UNC13C: variants seen among roughly 807,000 people sequenced by gnomAD.
UNC13C encodes protein unc-13 homolog C.
Under a neutral mutation model 245.4 loss-of-function variants are expected in UNC13C, and 174 were observed. That is an observed-to-expected ratio of 0.71 (90% CI 0.63 to 0.80). UNC13C has a LOEUF of 0.80. Among genes scored for constraint, UNC13C ranks in the 30% least tolerant of loss-of-function variants. UNC13C has a pLI of 0.00. For missense variants in UNC13C, 2,829 were observed against 2,602.9 expected (o/e 1.09, Z -1.89); for synonymous variants, 992 against 895.1 (o/e 1.11, Z -1.93).
intron 7 of UNC13C, among the ~76,000 whole-genome samples, chr15:54,245,201 A>G (rs2035960067): frequency 6.6e-6 from 1 of 152,168 alleles, no homozygotes; most frequent in Non-Finnish European, 1.5e-5. Context: ...CATCACTTGT[A>G]TACATTTTTA....
At chr15:54,467,959 A>G (rs1309153634) in intron 19 of UNC13C, among the ~76,000 whole-genome samples, 2 of 151,606 alleles carry the variant, frequency 1.3e-5, no homozygotes, top group Admixed American at 6.6e-5. Context: ...ACTGATTTCA[A>G]TTCCTTTGGC....
chr15:54,141,771 C>T (rs917619698), intron 2 of UNC13C, among the ~76,000 whole-genome samples: 1 of 151,786 alleles, frequency 6.6e-6, no homozygotes, highest in Non-Finnish European at 1.5e-5. Flanking sequence ...TAAGATTTAT[C>T]TTTTATTACT....
chr15:54,088,754 G>A (rs1191782585), intron 2 of UNC13C, among the ~76,000 whole-genome samples: 3 of 152,188 alleles, frequency 2.0e-5, no homozygotes, highest in Non-Finnish European at 2.9e-5. Flanking sequence ...ACAATGTGAT[G>A]TACAGTTTGA....
intron 4 of UNC13C, among the ~76,000 whole-genome samples, chr15:54,230,279 T>A (rs1436839775): frequency 6.6e-6 from 1 of 152,138 alleles, no homozygotes; most frequent in African/African-American, 2.4e-5. Flanking sequence ...TCATGATAAC[T>A]CTTGTATCAC....
At chr15:54,500,641 C>T (rs894204651) in intron 21 of UNC13C, among the ~76,000 whole-genome samples, 194 bp from the exon 22 acceptor site, 3 of 152,094 alleles carry the variant, frequency 2.0e-5, no homozygotes, top group Non-Finnish European at 4.4e-5. Context: ...TTAGCAGTAG[C>T]TTGCCCCATG....
chr15:53,993,066 T>C (rs1187962471), intron 1 of UNC13C, among the ~76,000 whole-genome samples: 1 of 152,116 alleles, frequency 6.6e-6, no homozygotes, highest in Non-Finnish European at 1.5e-5. Flanking sequence ...TCATTTCTAG[T>C]CTAACTGAGG....
chr15:54,451,945 G>C (rs1343081239), intron 19 of UNC13C, among the ~76,000 whole-genome samples: 1 of 152,162 alleles, frequency 6.6e-6, no homozygotes, highest in African/African-American at 2.4e-5. Flanking sequence ...ATGTGTATCT[G>C]TGATTTTGGT....
At chr15:54,550,284 C>T (rs1896680323) in intron 28 of UNC13C, among the ~76,000 whole-genome samples, 1 of 152,140 alleles carries the variant, frequency 6.6e-6, no homozygotes, top group Non-Finnish European at 1.5e-5. Flanking sequence ...ATGCTTCCTA[C>T]TATGTGACAT....
At chr15:54,592,543 T>A (rs566020216) in intron 30 of UNC13C, among the ~76,000 whole-genome samples, 1 of 152,360 alleles carries the variant, frequency 6.6e-6, no homozygotes, top group Admixed American at 6.5e-5. Flanking sequence ...TTTACCATTC[T>A]ATACTGTCCC....
At chr15:54,445,576 TG>T (rs1372448822) in intron 19 of UNC13C, among the ~76,000 whole-genome samples, 2 of 152,226 alleles carry the variant, frequency 1.3e-5, no homozygotes, top group African/African-American at 4.8e-5. Flanking sequence ...ATGTGTCTGT[TG>T]GCTGCATAAA....
intron 17 of UNC13C, among the ~76,000 whole-genome samples, chr15:54,341,527 T>C (rs920192685): frequency 1.3e-5 from 2 of 152,114 alleles, no homozygotes; most frequent in African/African-American, 4.8e-5. Context: ...CATCACACAG[T>C]CTGTTCAGGT....
intron 30 of UNC13C, among the ~76,000 whole-genome samples, chr15:54,605,423 C>T (rs1899715317): frequency 6.6e-6 from 1 of 152,192 alleles, no homozygotes; most frequent in Non-Finnish European, 1.5e-5. Flanking sequence ...TATCCTTCCA[C>T]AAGCTTAGAA....
chr15:53,897,218 G>C, the UNC13C span, among the ~76,000 whole-genome samples: 1 of 152,174 alleles, frequency 6.6e-6, no homozygotes, highest in East Asian at 1.9e-4. Flanking sequence ...GCACCTAGAA[G>C]TCTTGTCTCA....
chr15:54,435,124 T>C (rs2040954563), intron 19 of UNC13C, among the ~76,000 whole-genome samples: 1 of 152,160 alleles, frequency 6.6e-6, no homozygotes, highest in Non-Finnish European at 1.5e-5. Flanking sequence ...GCTTTTACAC[T>C]GTTGGTGAGA....
upstream of UNC13C, among the ~76,000 whole-genome samples, chr15:53,975,850 A>T (rs2140938799): frequency 6.6e-6 from 1 of 152,360 alleles, no homozygotes; most frequent in East Asian, 1.9e-4. Flanking sequence ...CTTATTATTT[A>T]ATCCAACCAT....
intron 17 of UNC13C, among the ~76,000 whole-genome samples, chr15:54,364,800 C>G (rs1596287011): frequency 6.6e-6 from 1 of 152,126 alleles, no homozygotes; most frequent in South Asian, 2.1e-4. Context: ...ACACACTTAG[C>G]TAGTGATTGA....
At chr15:54,138,516 AC>A (rs1037941720) in intron 2 of UNC13C, among the ~76,000 whole-genome samples, 5 of 152,192 alleles carry the variant, frequency 3.3e-5, no homozygotes, top group Middle Eastern at 3.4e-3. Flanking sequence ...TACATCAGGA[AC>A]ATTTTCTATA....
chr15:54,332,021 A>G, intron 14 of UNC13C, 22 bp from the exon 15 acceptor site: 1 of 1,524,696 alleles, frequency 6.6e-7, no homozygotes, highest in Non-Finnish European at 8.9e-7. Flanking sequence ...CCATTCTCCT[A>G]TTTTGTGTTT....
intron 1 of UNC13C, among the ~76,000 whole-genome samples, chr15:53,999,050 T>A (rs984155675): frequency 6.6e-6 from 1 of 152,022 alleles, no homozygotes; most frequent in Non-Finnish European, 1.5e-5. Flanking sequence ...GGGATACTAA[T>A]CTGAATTTTT....
Sources: allele counts gnomAD v4.1 joint callset (sites outside exome capture counted in the v4.1 genomes callset), GRCh38; gene constraint gnomAD v4.1.1; transcripts MANE v1.5; gene names NCBI Gene and HGNC (gene_info 2026-07-23, HGNC 2026-07-21).